Variants in DENND5B observed in about 807,000 individuals in gnomAD.
The protein encoded by DENND5B is DENN domain-containing protein 5B.
A neutral mutation model predicts 140.6 loss-of-function variants in DENND5B; 34 were observed. The observed-to-expected ratio is 0.24, with a 90% CI of 0.18 to 0.32. DENND5B has a LOEUF of 0.32. DENND5B is among the 10% of genes least tolerant of loss of function. The pLI, the probability that DENND5B is intolerant of heterozygous loss-of-function variation, is 1.00. For synonymous variants in DENND5B, 551 were observed against 562.1 expected (o/e 0.98, Z 0.28); for missense variants, 1,142 against 1,560.2 (o/e 0.73, Z 4.52).
intron 3 of DENND5B, among the ~76,000 whole-genome samples, chr12:31,473,523 G>A (rs1288014172): frequency 6.6e-6 from 1 of 152,276 alleles, no homozygotes; most frequent in Non-Finnish European, 1.5e-5. Flanking sequence ...GTAGAACCGA[G>A]AAGCTGGAGC....
intron 8 of DENND5B, among the ~76,000 whole-genome samples, chr12:31,429,885 T>C (rs1013347235): frequency 6.6e-6 from 1 of 151,950 alleles, no homozygotes; most frequent in African/African-American, 2.4e-5. Context: ...TTTTGTATTT[T>C]CAGTACAGAT....
chr12:31,419,244 T>G (rs1292707156), intron 11 of DENND5B, among the ~76,000 whole-genome samples: 1 of 152,216 alleles, frequency 6.6e-6, no homozygotes, highest in Non-Finnish European at 1.5e-5. Flanking sequence ...TAAAGATTCA[T>G]GGATTTAATT....
chr12:31,451,921 A>G lies in DENND5B; in HGVS notation c.1629+19T>C, dbSNP rs748762296. On this transcript the variant is annotated intron_variant, in intron 5 of 20. Transcript: ENST00000389082. Reference sequence around the variant, plus strand: ...AAAGCCACTAATAACCACAAAAGGAAAACTATGGTTCTTTTTACTTTGTCA... The same window carrying G: ...AAAGCCACTAATAACCACAAAAGGAGAACTATGGTTCTTTTTACTTTGTCA... 6.2e-7 allele frequency: 1 copy of G among 1,611,994 alleles called. No individual in the cohort carries two copies. The highest frequency in any genetic ancestry group is 2.2e-5 in the East Asian group (1 of 44,872).
At chr12:31,584,935 G>A (rs1293181011) in intron 1 of DENND5B, among the ~76,000 whole-genome samples, 3 of 151,290 alleles carry the variant, frequency 2.0e-5, no homozygotes, top group Non-Finnish European at 2.9e-5. Flanking sequence ...GAGAGCTTCA[G>A]GCTGCTTCCT....
intron 2 of DENND5B, among the ~76,000 whole-genome samples, chr12:31,482,423 T>C (rs1946102911): frequency 6.6e-6 from 1 of 152,178 alleles, no homozygotes; most frequent in Non-Finnish European, 1.5e-5. Context: ...CAGTCTTTTC[T>C]GTAATTCCAT....
intron 2 of DENND5B, among the ~76,000 whole-genome samples, chr12:31,488,489 A>G (rs1946397525): frequency 6.6e-6 from 1 of 152,202 alleles, no homozygotes; most frequent in South Asian, 2.1e-4. Context: ...AAGCTTGCCA[A>G]AAGTTGTACT....
chr12:31,576,957 T>G (rs1037407565), intron 1 of DENND5B, among the ~76,000 whole-genome samples: 2 of 152,098 alleles, frequency 1.3e-5, no homozygotes, highest in African/African-American at 4.8e-5. Flanking sequence ...TACAAGAACT[T>G]TTTTGTCAAA....
In DENND5B at chr12:31,424,622, G is replaced by A; in HGVS notation, c.2304C>T (p.Asn768=). Residue 768 remains asparagine (N), a synonymous_variant, in exon 10 of 21, where the codon AAC becomes AAT. Coordinates refer to ENST00000389082, the MANE Select transcript of DENND5B (RefSeq NM_144973.4). ...EAVELGHGEA[N]ITGLEENTLI... is the part of the protein sequence containing the mutation. ...AGGTGTTCTCCTCCAGGCCGGTGATGTTTGCTTCTCCATGGCCAAGTTCCA... is the reference window on the plus strand; with the variant it reads ...AGGTGTTCTCCTCCAGGCCGGTGATATTTGCTTCTCCATGGCCAAGTTCCA... 6.2e-7 allele frequency: 1 copy of A among 1,613,946 alleles called. No homozygotes were observed. The highest frequency in any genetic ancestry group is 8.5e-7 in the Non-Finnish European group (1 of 1,179,888).
intron 1 of DENND5B, among the ~76,000 whole-genome samples, chr12:31,527,406 C>T (rs1948122611): frequency 6.6e-6 from 1 of 152,130 alleles, no homozygotes; most frequent in South Asian, 2.1e-4. Flanking sequence ...GCGGCCAGAT[C>T]ATATGAGGGA....
At chr12:31,555,718 C>A (rs1352677986) in intron 1 of DENND5B, among the ~76,000 whole-genome samples, 1 of 152,212 alleles carries the variant, frequency 6.6e-6, no homozygotes, top group African/African-American at 2.4e-5. Context: ...GCTTCCTGGC[C>A]GCTTTGTTTA....
At chr12:31,482,631 T>C (rs749265566) in intron 2 of DENND5B, among the ~76,000 whole-genome samples, 10 of 152,062 alleles carry the variant, frequency 6.6e-5, no homozygotes, top group Non-Finnish European at 8.8e-5. Context: ...CAGGATGAAG[T>C]GCAGTGGTAC....
intron 8 of DENND5B, chr12:31,431,952 T>G: frequency 1.7e-6 from 1 of 578,874 alleles, no homozygotes; most frequent in Non-Finnish European, 2.2e-6. Flanking sequence ...ATTCTAGAGC[T>G]ATGTGCACTC....
intron 1 of DENND5B, among the ~76,000 whole-genome samples, chr12:31,529,785 A>T (rs1192619752): frequency 6.6e-6 from 1 of 152,082 alleles, no homozygotes; most frequent in South Asian, 2.1e-4. Flanking sequence ...ACAAAATCAC[A>T]TCAGTTTTTA....
intron 1 of DENND5B, among the ~76,000 whole-genome samples, chr12:31,515,258 T>C (rs188681055): frequency 1.3e-4 from 20 of 152,336 alleles, no homozygotes; most frequent in African/African-American, 4.1e-4. Flanking sequence ...GGAGCTATGA[T>C]TGTGCCACTG....
At chr12:31,391,164 C>T (rs1325032873) in intron 19 of DENND5B, among the ~76,000 whole-genome samples, 1 of 152,212 alleles carries the variant, frequency 6.6e-6, no homozygotes, top group East Asian at 1.9e-4. Flanking sequence ...CACCCCCTCC[C>T]CCAATCTCCT....
chr12:31,576,488 G>T (rs1950022817), intron 1 of DENND5B, among the ~76,000 whole-genome samples: 2 of 151,386 alleles, frequency 1.3e-5, no homozygotes, highest in Non-Finnish European at 2.9e-5. Flanking sequence ...AGATAAGAAA[G>T]AGACAGAGAA....
chr12:31,436,509 C>T (rs954783841), intron 7 of DENND5B, among the ~76,000 whole-genome samples: 9 of 152,018 alleles, frequency 5.9e-5, no homozygotes, highest in African/African-American at 1.4e-4. Flanking sequence ...TACTGCTGAT[C>T]GCTCTTTCTA....
intron 8 of DENND5B, 199 bp downstream of exon 8, chr12:31,432,956 A>G (rs996388605): frequency 1.1e-4 from 58 of 520,360 alleles, no homozygotes; most frequent in African/African-American, 1.0e-3. Flanking sequence ...GCCTTATTAT[A>G]GATGTCTTGA....
At chr12:31,529,630 G>A (rs2139071378) in intron 1 of DENND5B, among the ~76,000 whole-genome samples, 1 of 151,950 alleles carries the variant, frequency 6.6e-6, no homozygotes, top group Non-Finnish European at 1.5e-5. Flanking sequence ...TTCGAAACCA[G>A]CCCGGGCAAC....
Sources: gnomAD v4.1 joint callset for allele counts (sites outside exome capture counted in the v4.1 genomes callset) on GRCh38, gnomAD v4.1.1 for gene constraint, MANE v1.5 for transcripts, NCBI Gene and HGNC (gene_info 2026-07-23, HGNC 2026-07-21) for gene names.